Variants in RINT1 observed in about 807,000 individuals in gnomAD.
RINT1 encodes the protein RAD50 interactor 1.
Under a neutral mutation model 97.7 loss-of-function variants are expected in RINT1, and 75 were observed. The observed-to-expected ratio is 0.77, with a 90% CI of 0.64 to 0.93. The LOEUF (loss-of-function observed/expected upper bound fraction) is 0.93. Ranked by LOEUF, RINT1 falls within the 40% of genes least tolerant of loss-of-function variation. The probability of loss-of-function intolerance (pLI) is 0.00; values close to 1 mark genes in which losing one functional copy is unlikely to be tolerated. For missense variants in RINT1, 892 were observed against 925.2 expected (o/e 0.96, Z 0.47); for synonymous variants, 303 against 326.3 (o/e 0.93, Z 0.77).
rs1238282467 is a variant in RINT1, at chr7:105,565,667, A to T, written c.2186+19A>T. 2.1e-6 allele frequency: 3 copies of T among 1,443,154 alleles called. No homozygotes were observed. Among genetic ancestry groups the T allele is most frequent in the East Asian group, 4.5e-5 (2 of 44,052 alleles). 89.4% of individuals were successfully genotyped at this position (1,443,154 alleles called of 1,614,324 possible). A position where few individuals can be genotyped will look rare whatever the true frequency, so the allele number is the denominator to read the frequency against. ...TTAAACAGTAAGCTCAACATTTAAC[A>T]ATTAATATTAATGTATCAAATTGTT... On this transcript the variant is annotated intron_variant, in intron 14 of 14. Coordinates refer to ENST00000257700, the MANE Select transcript of RINT1 (RefSeq NM_021930.6).
At chr7:105,552,585 G>A (rs1790976002) in intron 10 of RINT1, among the ~76,000 whole-genome samples, 1 of 149,818 alleles carries the variant, frequency 6.7e-6, no homozygotes, top group Non-Finnish European at 1.5e-5. Context: ...CTTCACCTTC[G>A]TCAACCACTA....
Position 105,547,266 on chromosome 7 carries a change from G to C in RINT1, c.772G>C (p.Ala258Pro). 6.2e-7 allele frequency: 1 copy of C among 1,614,160 alleles called. No individual in the cohort carries two copies. The highest frequency in any genetic ancestry group is 8.5e-7 in the Non-Finnish European group (1 of 1,180,018). Residue 258 changes from alanine (A) to proline (P), a missense_variant, in exon 6 of 15, where the codon GCC becomes CCC. Transcript: ENST00000257700. ...QSQTVGLSRPASAPEIYSYLE... is the reference protein window; with the variant it reads ...QSQTVGLSRPPSAPEIYSYLE... ...ACAAACTGTTGGCTTAAGTCGACCT[G>C]CCAGTGCCCCGGAGATATACAGTTA...
intron 2 of RINT1, among the ~76,000 whole-genome samples, chr7:105,533,625 C>G (rs1437826978): frequency 6.6e-6 from 1 of 152,130 alleles, no homozygotes; most frequent in East Asian, 1.9e-4. Flanking sequence ...TAGCACATGG[C>G]CCTTAGGAGT....
chr7:105,535,458 G>C (rs536638710), intron 2 of RINT1: 1 of 396,984 alleles, frequency 2.5e-6, no homozygotes, highest in South Asian at 1.9e-5. Context: ...TCGAACTCCT[G>C]ACCTTGTGAT....
At position 105,548,535 on chromosome 7, in the gene RINT1, C is replaced by A; in HGVS notation, c.840-19C>A. 1.2e-6 allele frequency: 2 copies of A among 1,613,334 alleles called. No homozygotes were observed. ...TTAGGTATGCTTTTGATTCTTTTTC[C>A]TTGACTTGATTATGTCAGAGATGAA... On this transcript the variant is annotated intron_variant, in intron 6 of 14. Transcript: ENST00000257700.
At chr7:105,561,885 C>A (rs1791455700) in intron 11 of RINT1, among the ~76,000 whole-genome samples, 1 of 151,906 alleles carries the variant, frequency 6.6e-6, no homozygotes. Flanking sequence ...TTTTTAAGTT[C>A]ATGATTACCG....
chr7:105,551,524 C>G (rs373522979), intron 9 of RINT1, 46 bp from the exon 10 acceptor site: 2 of 1,470,710 alleles, frequency 1.4e-6, no homozygotes, highest in Non-Finnish European at 1.8e-6. Flanking sequence ...TAATTAGGAA[C>G]GACTGTAACT....
chr7:105,548,636 G>C lies in RINT1; in HGVS notation c.922G>C (p.Val308Leu). 1 of 1,614,110 alleles carries C rather than the reference G, an allele frequency of 6.2e-7. No individual in the cohort carries two copies. The highest frequency in any genetic ancestry group is 1.6e-4 in the Middle Eastern group (1 of 6,062). ...ASPSVILPIQVMLTPLQKRFR... is the reference protein window; with the variant it reads ...ASPSVILPIQLMLTPLQKRFR... The stretch of plus-strand genomic sequence containing the variant: ...CCCTTCTGTCATCCTGCCCATCCAG[G>C]TTATGCTGACTCCTCTTCAGAAGAG... The change falls in exon 7 of 15, where the codon GTT (valine) becomes CTT (leucine). Residue 308 changes from valine to leucine, a missense_variant. Coordinates refer to ENST00000257700, the MANE Select transcript of RINT1 (RefSeq NM_021930.6).
chr7:105,564,260 G>C (rs1791584445), intron 12 of RINT1, among the ~76,000 whole-genome samples: 1 of 152,022 alleles, frequency 6.6e-6, no homozygotes, highest in African/African-American at 2.4e-5. Flanking sequence ...GCTAATTTTT[G>C]TATTTTTAGT....
At chr7:105,562,636 C>G (rs1791487723) in intron 11 of RINT1, among the ~76,000 whole-genome samples, 1 of 152,100 alleles carries the variant, frequency 6.6e-6, no homozygotes, top group African/African-American at 2.4e-5. Flanking sequence ...TGGTGACTCA[C>G]GCCTGTAATC....
intron 10 of RINT1, among the ~76,000 whole-genome samples, chr7:105,552,666 CTTTTTTTTTTTTTT>C (rs386410906): frequency 6.3e-5 from 5 of 79,998 alleles, no homozygotes; most frequent in Non-Finnish European, 9.2e-5. Flanking sequence ...TAAATAATTC[CTTTTTTTTTTTTTT>C]TTTTTTTTTT....
chr7:105,565,194 C>T (rs1791649257), intron 12 of RINT1, 83 bp from the exon 13 acceptor site: 1 of 1,275,962 alleles, frequency 7.8e-7, no homozygotes, highest in Non-Finnish European at 1.1e-6. Context: ...TAGGACAGAA[C>T]ACTTCCTCAA....
At position 105,536,769 on chromosome 7, in the gene RINT1, G is replaced by A. The variant is rs964696602; in HGVS notation, c.273+20G>A. 5.5e-6 allele frequency: 8 copies of A among 1,453,284 alleles called. No individual in the cohort carries two copies. Among genetic ancestry groups the A allele is most frequent in the Middle Eastern group, 2.0e-4 (1 of 5,120 alleles). 90.0% of individuals were successfully genotyped at this position (1,453,284 alleles called of 1,614,324 possible). ...GAACAGGTAAGTATTGAAACTCACT[G>A]AAATAATTATCAGTGGAATACTTTT... On this transcript the variant is annotated intron_variant, in intron 3 of 14. Transcript: ENST00000257700.
chr7:105,567,043 T>C (rs1791788717), intron 14 of RINT1, 76 bp from the exon 15 acceptor site: 1 of 893,124 alleles, frequency 1.1e-6, no homozygotes, highest in South Asian at 2.4e-5. Flanking sequence ...AGAAGCTGTT[T>C]AGGATTCTCA....
chr7:105,536,339 AGT>A (rs1790231324), intron 2 of RINT1, among the ~76,000 whole-genome samples: 1 of 151,828 alleles, frequency 6.6e-6, no homozygotes, highest in South Asian at 2.1e-4. Context: ...TTGTATTTTT[AGT>A]AGAGACGGGA....
intron 3 of RINT1, among the ~76,000 whole-genome samples, chr7:105,538,481 G>C (rs1187384186): frequency 6.6e-6 from 1 of 152,158 alleles, no homozygotes; most frequent in Non-Finnish European, 1.5e-5. Context: ...TTTCACTCCT[G>C]CAGGCAGGTT....
intron 4 of RINT1, 110 bp from the exon 5 acceptor site, chr7:105,546,800 T>G (rs1467633443): frequency 8.4e-6 from 6 of 711,014 alleles, no homozygotes. Context: ...CACTTGAACC[T>G]GGGACACAGA....
rs763650500 is a variant in RINT1, at chr7:105,546,953, G to T, written c.559G>T (p.Ala187Ser). ...QYLMTNNVPE[A>S]ASTLVSMAEL... ...TCTGATGACCAATAATGTACCGGAG[G>T]CAGCCTCCACTCTAGTGTCTATGGC... The change falls in exon 5 of 15, where the codon GCA (alanine) becomes TCA (serine). Residue 187 changes from alanine (A) to serine (S), a missense_variant. Coordinates refer to ENST00000257700, the MANE Select transcript of RINT1 (RefSeq NM_021930.6). 1.2e-6 allele frequency: 2 copies of T among 1,612,956 alleles called. No homozygotes were observed. Among genetic ancestry groups the T allele is most frequent in the Admixed American group, 3.4e-5 (2 of 59,670 alleles).
chr7:105,554,936 C>T, intron 10 of RINT1, 92 bp from the exon 11 acceptor site: 1 of 948,572 alleles, frequency 1.1e-6, no homozygotes, highest in Non-Finnish European at 1.6e-6. Context: ...TGATTTTTGA[C>T]AAAAGCACTG....
Sources: allele counts gnomAD v4.1 joint callset (sites outside exome capture counted in the v4.1 genomes callset), GRCh38; gene constraint gnomAD v4.1.1; transcripts MANE v1.5; gene names NCBI Gene and HGNC (gene_info 2026-07-23, HGNC 2026-07-21).